KIF24: variants seen among roughly 807,000 people sequenced by gnomAD.
The protein encoded by KIF24 is kinesin-like protein KIF24.
In KIF24, 81 loss-of-function variants were observed where a neutral mutation model predicts 118.9. That is an observed-to-expected ratio of 0.68 (90% CI 0.57 to 0.82). The LOEUF is 0.82. Among genes scored for constraint, KIF24 ranks in the 40% least tolerant of loss-of-function variants. The pLI is 0.00. For missense variants in KIF24, 1,560 were observed against 1,661.6 expected (o/e 0.94, Z 1.06); for synonymous variants, 599 against 610.0 (o/e 0.98, Z 0.27).
chr9:34,258,028 C>T (rs1205099157), intron 10 of KIF24, 47 bp from the exon 11 acceptor site: 4 of 1,384,114 alleles, frequency 2.9e-6, no homozygotes, highest in Non-Finnish European at 4.0e-6. Context: ...ACATGTTCTG[C>T]AATTCCTTTT....
intron 1 of KIF24, among the ~76,000 whole-genome samples, chr9:34,325,630 T>C (rs1385680808): frequency 6.6e-6 from 1 of 151,830 alleles, no homozygotes; most frequent in African/African-American, 2.4e-5. Flanking sequence ...AGGAAGAGGT[T>C]GCAGTGAGCC....
intron 1 of KIF24, chr9:34,319,551 G>A (rs751189437): frequency 3.9e-5 from 45 of 1,139,980 alleles, no homozygotes; most frequent in East Asian, 9.7e-5. Flanking sequence ...GTTCTACTCC[G>A]ACCACCCCTT....
rs533333148 is a variant in KIF24, at chr9:34,252,729, G to A, written c.*1651C>T. 2 of 152,222 alleles carry A rather than the reference G, an allele frequency of 1.3e-5. No homozygotes were observed. Among genetic ancestry groups the A allele is most frequent in the East Asian group, 3.9e-4 (2 of 5,174 alleles). The allele number at this position is 152,222 out of a possible 1,614,324, so 9.4% of individuals were successfully genotyped here. The stretch of plus-strand genomic sequence containing the variant: ...GCCTAGACTGAGTCTTTTAAACCTG[G>A]CCCAGCTCCGTCTGTGGACCAAGGA... On this transcript the variant is annotated 3_prime_UTR_variant, in exon 13 of 13. Transcript: ENST00000402558.
Position 34,256,865 on chromosome 9 carries a change from C to T in KIF24, c.2742G>A (p.Lys914=). ...TCTCTCTGCTCCAGTCCACGGGCCC[C>T]TTACTTGGGCTGCAGCTGTGATCGA... ...AALDHSCSPS[K]GPVDWSRENS... Residue 914 remains lysine, a synonymous_variant, in exon 11 of 13, where the codon AAG becomes AAA. Coordinates refer to ENST00000402558, the MANE Select transcript of KIF24 (RefSeq NM_194313.4). The T allele has an allele frequency of 6.2e-7, 1 of 1,614,002 alleles. No individual in the cohort carries two copies. Among genetic ancestry groups the T allele is most frequent in the East Asian group, 2.2e-5 (1 of 44,876 alleles).
intron 9 of KIF24, among the ~76,000 whole-genome samples, chr9:34,261,675 C>G (rs949962624): frequency 2.2e-4 from 34 of 152,246 alleles, no homozygotes; most frequent in African/African-American, 7.5e-4. Context: ...ACGTTTTTCC[C>G]TGTGTGGCTG....
chr9:34,284,858 C>A (rs1032831119), intron 6 of KIF24, among the ~76,000 whole-genome samples: 2 of 151,884 alleles, frequency 1.3e-5, no homozygotes, highest in African/African-American at 4.8e-5. Flanking sequence ...ATGCATTTTT[C>A]TGTATAGTGC....
At chr9:34,298,666 A>C (rs1836578698) in intron 3 of KIF24, among the ~76,000 whole-genome samples, 2 of 152,158 alleles carry the variant, frequency 1.3e-5, no homozygotes, top group Non-Finnish European at 2.9e-5. Flanking sequence ...AATAGTGGGG[A>C]AACAATGAAA....
chr9:34,258,461 C>T (rs1247642105), intron 10 of KIF24, among the ~76,000 whole-genome samples: 1 of 152,172 alleles, frequency 6.6e-6, no homozygotes, highest in South Asian at 2.1e-4. Flanking sequence ...CAGGGTGAGA[C>T]TCTGTCTTTA....
chr9:34,318,650 C>CCCCACGT lies in KIF24; in HGVS notation c.-25-7280_-25-7279insACGTGGG. On this transcript the variant is annotated intron_variant, in intron 1 of 12. Transcript: ENST00000402558. The surrounding 1 kb of genome is among the most constrained non-coding windows in gnomAD (Gnocchi z 4.9). The stretch of plus-strand genomic sequence containing the variant: ...GGCCTCGTCGTTGGGGCTCGTGTCG[C>CCCCACGT]TGGGCGGCAAGGCGACCACGGCGTC... 6.5e-7 allele frequency: 1 copy of CCCCACGT among 1,542,074 alleles called. No homozygotes were observed. Among genetic ancestry groups the CCCCACGT allele is most frequent in the Middle Eastern group, 2.2e-4 (1 of 4,448 alleles).
intron 7 of KIF24, among the ~76,000 whole-genome samples, chr9:34,271,325 C>CAAAA (rs58895274): frequency 7.5e-5 from 8 of 107,314 alleles, no homozygotes; most frequent in East Asian, 3.2e-4. Flanking sequence ...AGCAATCCAG[C>CAAAA]AAAAAAAAAA....
At chr9:34,326,367 C>T (rs1169263064) in intron 1 of KIF24, among the ~76,000 whole-genome samples, 1 of 152,052 alleles carries the variant, frequency 6.6e-6, no homozygotes, top group Non-Finnish European at 1.5e-5. Flanking sequence ...CTCAAGAAAA[C>T]CCCCCAAAAA....
chr9:34,331,643 C>T (rs546434241), upstream of KIF24, among the ~76,000 whole-genome samples: 1 of 152,126 alleles, frequency 6.6e-6, no homozygotes, highest in East Asian at 1.9e-4. Flanking sequence ...AAATTTTCAC[C>T]GTGGTCTTGG....
intron 1 of KIF24, among the ~76,000 whole-genome samples, chr9:34,321,309 C>CA (rs201373931): frequency 2.7e-3 from 394 of 147,554 alleles, no homozygotes; most frequent in African/African-American, 8.8e-3. Context: ...GATTAGGAGG[C>CA]AAAAAAAAAC....
At chr9:34,276,402 C>CAAAAAAAAAA (rs11419785) in intron 6 of KIF24, among the ~76,000 whole-genome samples, 2 of 80,708 alleles carry the variant, frequency 2.5e-5, no homozygotes, top group South Asian at 4.1e-4. Context: ...AACTGCATCT[C>CAAAAAAAAAA]AAAAAAAAAA....
chr9:34,316,285 A>G (rs569331204), intron 1 of KIF24, among the ~76,000 whole-genome samples: 114 of 152,076 alleles, frequency 7.5e-4, no homozygotes, highest in African/African-American at 2.6e-3. Flanking sequence ...AGGGTGCAGT[A>G]AGCCGAGATC....
chr9:34,292,650 A>T (rs1443997034), intron 4 of KIF24, among the ~76,000 whole-genome samples: 2 of 152,242 alleles, frequency 1.3e-5, no homozygotes, highest in Non-Finnish European at 2.9e-5. Context: ...AAAGCAAGGG[A>T]ACCATAGAAA....
chr9:34,305,864 C>G (rs961681943), intron 3 of KIF24, among the ~76,000 whole-genome samples: 2 of 152,174 alleles, frequency 1.3e-5, no homozygotes, highest in African/African-American at 4.8e-5. Context: ...CTGCAGCCTC[C>G]CAAAGCACTG....
At chr9:34,305,372 T>G (rs1249984980) in intron 3 of KIF24, among the ~76,000 whole-genome samples, 1 of 152,098 alleles carries the variant, frequency 6.6e-6, no homozygotes, top group Non-Finnish European at 1.5e-5. Context: ...TTTCGCCAAT[T>G]AAGTATAAGC....
intron 1 of KIF24, among the ~76,000 whole-genome samples, chr9:34,321,777 T>C (rs1032367701): frequency 3.3e-5 from 5 of 152,072 alleles, no homozygotes; most frequent in Admixed American, 6.6e-5. Flanking sequence ...TGACTAATTT[T>C]TTTATTTTTT....
Sources: gnomAD v4.1 joint callset for allele counts (sites outside exome capture counted in the v4.1 genomes callset) on GRCh38, gnomAD v4.1.1 for gene constraint, Gnocchi (gnomAD v3.1) non-coding constraint, MANE v1.5 for transcripts, NCBI Gene and HGNC (gene_info 2026-07-23, HGNC 2026-07-21) for gene names.